The following BLK variants were observed in gnomAD, a reference collection of about 807,000 sequenced individuals.
BLK encodes the protein BLK proto-oncogene, Src family tyrosine kinase.
BLK carries 64 observed loss-of-function variants against 61.8 expected under a neutral mutation model. That is an observed-to-expected ratio of 1.03 (90% confidence interval 0.85 to 1.27). The LOEUF is 1.27. Ranked by LOEUF, BLK falls within the 50% of genes most tolerant of loss-of-function variation. The pLI, the probability that BLK is intolerant of heterozygous loss-of-function variation, is 0.00. For synonymous variants in BLK, 351 were observed against 272.0 expected (o/e 1.29, Z -2.86); for missense variants, 853 against 660.5 (o/e 1.29, Z -3.19).
intron 8 of BLK, 30 bp downstream of exon 8, chr8:11,555,514 T>TC (rs765133469): frequency 8.6e-5 from 138 of 1,613,564 alleles, no homozygotes; most frequent in Non-Finnish European, 1.1e-4. Flanking sequence ...GGAGCATTTC[T>TC]CCCCCCATTC....
At chr8:11,501,406 T>C (rs1369990204) in intron 1 of BLK, among the ~76,000 whole-genome samples, 2 of 151,156 alleles carry the variant, frequency 1.3e-5, no homozygotes, top group African/African-American at 2.4e-5. Context: ...TTCTACTTTG[T>C]GGTGTCTGTC....
intron 1 of BLK, among the ~76,000 whole-genome samples, chr8:11,519,654 T>A (rs959676234): frequency 6.6e-6 from 1 of 152,256 alleles, no homozygotes; most frequent in Non-Finnish European, 1.5e-5. Flanking sequence ...TTTCTAATTC[T>A]CTGAACAACC....
At chr8:11,532,928 T>C (rs1799949016) in intron 1 of BLK, among the ~76,000 whole-genome samples, 1 of 152,268 alleles carries the variant, frequency 6.6e-6, no homozygotes, top group Non-Finnish European at 1.5e-5. Flanking sequence ...TGTGACTTAC[T>C]GTACCTTCAG....
At chr8:11,513,904 C>T (rs961390988) in intron 1 of BLK, among the ~76,000 whole-genome samples, 2 of 152,180 alleles carry the variant, frequency 1.3e-5, no homozygotes, top group Admixed American at 1.3e-4. Context: ...GATTCAGAGT[C>T]TCCCATCACT....
chr8:11,524,884 A>G (rs1215746561), intron 1 of BLK, among the ~76,000 whole-genome samples: 3 of 151,038 alleles, frequency 2.0e-5, no homozygotes, highest in African/African-American at 7.3e-5. Context: ...GTCGCAAAAC[A>G]GGATGTAGAT....
chr8:11,554,318 G>A (rs1301571854), intron 6 of BLK: 2 of 255,310 alleles, frequency 7.8e-6, no homozygotes, highest in East Asian at 9.2e-5. Context: ...AGCTGTGAAT[G>A]GCTATCTGCT....
chr8:11,541,004 A>G (rs1014336105), intron 1 of BLK, among the ~76,000 whole-genome samples: 2 of 152,196 alleles, frequency 1.3e-5, no homozygotes, highest in African/African-American at 4.8e-5. Context: ...GATGGCTGAC[A>G]CCTGCAATCC....
At chr8:11,501,273 T>G (rs1021155825) in intron 1 of BLK, among the ~76,000 whole-genome samples, 10 of 152,194 alleles carry the variant, frequency 6.6e-5, no homozygotes, top group Admixed American at 2.0e-4. Context: ...TAAAAAGTAT[T>G]ACACACGAAA....
At chr8:11,519,701 GA>G (rs1438406817) in intron 1 of BLK, among the ~76,000 whole-genome samples, 3 of 152,142 alleles carry the variant, frequency 2.0e-5, no homozygotes, top group Non-Finnish European at 4.4e-5. Context: ...TATTGACTGA[GA>G]AAATGAGACA....
intron 6 of BLK, chr8:11,553,300 G>T: frequency 2.8e-6 from 1 of 351,758 alleles, no homozygotes. Context: ...AAAGGCAGGC[G>T]GTCCTTCAGT....
At chr8:11,512,439 T>A (rs1405016241) in intron 1 of BLK, among the ~76,000 whole-genome samples, 2 of 152,264 alleles carry the variant, frequency 1.3e-5, no homozygotes, top group African/African-American at 4.8e-5. Flanking sequence ...CAGATGTGGA[T>A]AGTCTGAAAG....
In BLK at chr8:11,554,830, A is replaced by AT. The variant is rs770312335; in HGVS notation, c.560_561insT (p.Tyr188LeufsTer20). On this transcript the variant is annotated frameshift_variant, in exon 7 of 13. Coordinates refer to ENST00000259089, the MANE Select transcript of BLK (RefSeq NM_001715.3). LOFTEE classifies it high-confidence loss of function. ...ATCCGCTGCCTGGATGAAGGGGGCT[A>AT]CTACATCTCCCCCCGGATCACCTTC... 2 of 1,614,050 alleles carry AT rather than the reference A, an allele frequency of 1.2e-6. No individual in the cohort carries two copies. The highest frequency in any genetic ancestry group is 1.7e-6 in the Non-Finnish European group (2 of 1,179,992).
chr8:11,534,690 CA>C (rs1370509938), intron 1 of BLK, among the ~76,000 whole-genome samples: 1 of 152,082 alleles, frequency 6.6e-6, no homozygotes, highest in East Asian at 1.9e-4. Context: ...TTGAAATGGC[CA>C]CATAATTTCT....
intron 1 of BLK, among the ~76,000 whole-genome samples, chr8:11,498,890 C>T (rs571900448): frequency 6.6e-6 from 1 of 152,340 alleles, no homozygotes; most frequent in Non-Finnish European, 1.5e-5. Flanking sequence ...GCACTCAATT[C>T]TCAATGTCAG....
rs535376842 is a variant in BLK at position 11,513,067 on chromosome 8, C to G, written c.-2+18476C>G. Among the ~76,000 whole-genome samples, 8 of 152,308 alleles carry G rather than the reference C, an allele frequency of 5.3e-5. No individual in the cohort carries two copies. In the South Asian group the frequency reaches 1.0e-3, roughly 20 times the overall value. ...TCTGAAGCAAGAGTCTCTTGAAGTT[C>G]TTTTTTGTCCTTGATAAAATATTTA... is the stretch of plus-strand genomic sequence containing the variant. On this transcript the variant is annotated intron_variant, in intron 1 of 12. Coordinates refer to ENST00000259089, the MANE Select transcript of BLK (RefSeq NM_001715.3).
At chr8:11,524,466 A>C (rs1051668227) in intron 1 of BLK, among the ~76,000 whole-genome samples, 7 of 152,242 alleles carry the variant, frequency 4.6e-5, no homozygotes, top group Admixed American at 2.0e-4. Flanking sequence ...CCAGCTCAGA[A>C]AGGATGAAAA....
At chr8:11,543,051 C>G (rs536689792) in intron 1 of BLK, among the ~76,000 whole-genome samples, 173 bp from the exon 2 acceptor site, 1 of 152,182 alleles carries the variant, frequency 6.6e-6, no homozygotes, top group Non-Finnish European at 1.5e-5. Context: ...GATGGACACC[C>G]ATTTAGCTCA....
intron 1 of BLK, among the ~76,000 whole-genome samples, chr8:11,537,208 G>C (rs1394914967): frequency 6.6e-6 from 1 of 152,162 alleles, no homozygotes; most frequent in Non-Finnish European, 1.5e-5. Context: ...CAGAGCCATA[G>C]GCCAATCACC....
intron 11 of BLK, among the ~76,000 whole-genome samples, chr8:11,561,826 A>AT (rs71203399): frequency 0.35 from 50,955 of 146,080 alleles, 10,184 homozygotes; most frequent in Non-Finnish European, 0.48. Flanking sequence ...TCCAAATACT[A>AT]TTTTTTTTTT....
Sources: allele counts gnomAD v4.1 joint callset (sites outside exome capture counted in the v4.1 genomes callset), GRCh38; gene constraint gnomAD v4.1.1; transcripts MANE v1.5; gene names NCBI Gene and HGNC (gene_info 2026-07-23, HGNC 2026-07-21).